Variants in FCHSD2 observed in about 807,000 individuals in gnomAD.
FCHSD2 encodes F-BAR and double SH3 domains protein 2.
Under a neutral mutation model 108.1 loss-of-function variants are expected in FCHSD2, and 38 were observed. The ratio of observed to expected loss-of-function variants is 0.35; its 90% CI spans 0.27 to 0.46. The LOEUF (loss-of-function observed/expected upper bound fraction) is 0.46. FCHSD2 is among the 20% of genes least tolerant of loss of function. The pLI is 1.00. For synonymous variants in FCHSD2, 279 were observed against 314.7 expected, an observed-to-expected ratio of 0.89 and a Z score of 1.20; for missense variants, 751 against 897.8, an observed-to-expected ratio of 0.84 and a Z score of 2.09.
chr11:72,941,792 G>A (rs1450728750), intron 8 of FCHSD2, among the ~76,000 whole-genome samples: 1 of 152,050 alleles, frequency 6.6e-6, no homozygotes, highest in East Asian at 1.9e-4. Flanking sequence ...CTAGCCAAAT[G>A]AAAAGTATTA....
intron 5 of FCHSD2, among the ~76,000 whole-genome samples, chr11:72,993,969 G>C (rs963028254): frequency 6.6e-6 from 1 of 152,072 alleles, no homozygotes; most frequent in Non-Finnish European, 1.5e-5. Context: ...CTGTGAGTAC[G>C]GTGTATCCGG....
chr11:73,105,042 A>G (rs1452794106), intron 2 of FCHSD2, among the ~76,000 whole-genome samples: 2 of 152,254 alleles, frequency 1.3e-5, no homozygotes, highest in African/African-American at 4.8e-5. Flanking sequence ...CAAGTTTTTC[A>G]AAGTCCTTTC....
chr11:73,120,816 G>A (rs1860715230), intron 2 of FCHSD2, among the ~76,000 whole-genome samples: 1 of 150,664 alleles, frequency 6.6e-6, no homozygotes, highest in African/African-American at 2.4e-5. Flanking sequence ...TCACAGTCTG[G>A]AGGTGAAGAT....
intron 8 of FCHSD2, among the ~76,000 whole-genome samples, chr11:72,975,426 C>G (rs1464777853): frequency 1.3e-5 from 2 of 152,040 alleles, no homozygotes; most frequent in African/African-American, 2.4e-5. Flanking sequence ...AGAAGGAATA[C>G]ATTCTACTGT....
chr11:72,963,906 A>G (rs540889168), intron 8 of FCHSD2, among the ~76,000 whole-genome samples: 19 of 152,242 alleles, frequency 1.2e-4, no homozygotes, highest in African/African-American at 4.6e-4. Context: ...GGATTAGATG[A>G]CAACTCTGTG....
At chr11:73,075,688 G>C (rs566591143) in intron 3 of FCHSD2, among the ~76,000 whole-genome samples, 1 of 151,892 alleles carries the variant, frequency 6.6e-6, no homozygotes, top group South Asian at 2.1e-4. Flanking sequence ...GGTGGTGCGT[G>C]CCTGTAATCC....
chr11:72,840,304 A>C (rs1860877333), intron 19 of FCHSD2, among the ~76,000 whole-genome samples: 1 of 152,240 alleles, frequency 6.6e-6, no homozygotes. Flanking sequence ...CCAGTGGTAA[A>C]GGAATGGTAT....
chr11:72,889,251 G>A (rs770592685), intron 11 of FCHSD2, among the ~76,000 whole-genome samples: 1 of 152,170 alleles, frequency 6.6e-6, no homozygotes, highest in Non-Finnish European at 1.5e-5. Flanking sequence ...GTGAGCCACC[G>A]CGCCCGGCTA....
chr11:72,912,204 G>A (rs1308857857), intron 9 of FCHSD2, among the ~76,000 whole-genome samples: 2 of 152,154 alleles, frequency 1.3e-5, no homozygotes, highest in Non-Finnish European at 2.9e-5. Flanking sequence ...GTAAAAGTGG[G>A]CATCCTTGTC....
chr11:72,955,017 T>C (rs1856686360), intron 8 of FCHSD2, among the ~76,000 whole-genome samples: 1 of 152,164 alleles, frequency 6.6e-6, no homozygotes, highest in African/African-American at 2.4e-5. Context: ...GTGGGGACTT[T>C]CCCACATGCC....
At chr11:73,021,582 A>G (rs1858106230) in intron 3 of FCHSD2, among the ~76,000 whole-genome samples, 1 of 152,118 alleles carries the variant, frequency 6.6e-6, no homozygotes, top group African/African-American at 2.4e-5. Context: ...AAGGAAGGAG[A>G]GGATCAGGAA....
At chr11:73,077,097 C>CAAAAAAAAAAAAAAAAAAAAAA in intron 3 of FCHSD2, among the ~76,000 whole-genome samples, 1 of 72,488 alleles carries the variant, frequency 1.4e-5, no homozygotes, top group Non-Finnish European at 2.5e-5. Context: ...GACTCTGTCT[C>CAAAAAAAAAAAAAAAAAAAAAA]AAAAAAAAAA....
At chr11:72,958,342 ACT>A (rs1191492158) in intron 8 of FCHSD2, among the ~76,000 whole-genome samples, 1 of 152,012 alleles carries the variant, frequency 6.6e-6, no homozygotes, top group Non-Finnish European at 1.5e-5. Context: ...ATGTGGTGAA[ACT>A]CTGTCTCTAT....
At chr11:72,966,123 C>A (rs1329760913) in intron 8 of FCHSD2, among the ~76,000 whole-genome samples, 1 of 150,250 alleles carries the variant, frequency 6.7e-6, no homozygotes, top group East Asian at 1.9e-4. Context: ...ATCTACAGGG[C>A]AAGAAGGAAG....
chr11:73,141,730 G>A (rs910630795), intron 1 of FCHSD2, 127 bp downstream of exon 1: 20 of 1,015,522 alleles, frequency 2.0e-5, no homozygotes, highest in Non-Finnish European at 2.5e-5. Flanking sequence ...GCGGCAAGTC[G>A]GTGACAAGCC....
chr11:73,093,714 G>C (rs994287298), intron 2 of FCHSD2, among the ~76,000 whole-genome samples: 2 of 151,344 alleles, frequency 1.3e-5, no homozygotes, highest in African/African-American at 4.9e-5. Flanking sequence ...CGATTCTCCT[G>C]CCTCAGCCTC....
intron 19 of FCHSD2, among the ~76,000 whole-genome samples, chr11:72,839,936 C>A (rs902927115): frequency 6.6e-6 from 1 of 152,130 alleles, no homozygotes; most frequent in Non-Finnish European, 1.5e-5. Context: ...AGACAGGTGG[C>A]GGCAAGGCTG....
intron 8 of FCHSD2, among the ~76,000 whole-genome samples, chr11:72,983,118 C>A (rs978153725): frequency 6.6e-6 from 1 of 151,878 alleles, no homozygotes; most frequent in East Asian, 1.9e-4. Flanking sequence ...AACGGTGAAA[C>A]CCCGTCTCTA....
chr11:72,897,581 GA>G (rs1855448885), intron 10 of FCHSD2, among the ~76,000 whole-genome samples: 1 of 152,132 alleles, frequency 6.6e-6, no homozygotes, highest in Non-Finnish European at 1.5e-5. Context: ...ATCCCCCATG[GA>G]AACCAAGGGA....
Sources: allele counts gnomAD v4.1 joint callset (sites outside exome capture counted in the v4.1 genomes callset), GRCh38; gene constraint gnomAD v4.1.1; transcripts MANE v1.5; gene names NCBI Gene and HGNC (gene_info 2026-07-23, HGNC 2026-07-21).